Variants in RAD51B observed in about 807,000 individuals in gnomAD.
RAD51B encodes the protein DNA repair protein RAD51 homolog 2.
RAD51B carries 38 observed loss-of-function variants against 42.2 expected under a neutral mutation model. That is an observed-to-expected ratio of 0.90 (90% CI 0.70 to 1.18). The LOEUF (loss-of-function observed/expected upper bound fraction) is 1.18, where lower values mean the gene tolerates loss of function less well. Among genes scored for constraint, RAD51B ranks in the 50% most tolerant of loss-of-function variants. RAD51B has a pLI of 0.00. For missense variants in RAD51B, 373 were observed against 400.7 expected (o/e 0.93, Z 0.59); for synonymous variants, 154 against 145.2 (o/e 1.06, Z -0.43).
intron 10 of RAD51B, among the ~76,000 whole-genome samples, chr14:68,532,383 T>C (rs1887365750): frequency 6.6e-6 from 1 of 152,060 alleles, no homozygotes; most frequent in Admixed American, 6.5e-5. Context: ...TATTAAGAAT[T>C]ATAAAGAGAA....
chr14:67,895,304 C>G (rs181355542), intron 7 of RAD51B, among the ~76,000 whole-genome samples: 1 of 152,152 alleles, frequency 6.6e-6, no homozygotes, highest in Non-Finnish European at 1.5e-5. Flanking sequence ...GAGTGGCAAT[C>G]TTGTTTTCCA....
chr14:67,841,673 A>G (rs1363260562), intron 4 of RAD51B, among the ~76,000 whole-genome samples: 1 of 133,302 alleles, frequency 7.5e-6, no homozygotes, highest in African/African-American at 3.2e-5. Flanking sequence ...ATTGAATAGG[A>G]AGTCCTTTCC....
intron 8 of RAD51B, among the ~76,000 whole-genome samples, chr14:68,399,370 C>T (rs894051615): frequency 6.6e-6 from 1 of 151,034 alleles, no homozygotes; most frequent in Admixed American, 6.6e-5. Flanking sequence ...CATTCTCCTG[C>T]CTCAGCCTCC....
intron 8 of RAD51B, among the ~76,000 whole-genome samples, chr14:68,340,657 G>A (rs10151601): frequency 1.1e-3 from 161 of 152,282 alleles, no homozygotes; most frequent in African/African-American, 3.7e-3. Flanking sequence ...CTGTGCACAT[G>A]CGTGCATATT....
chr14:68,178,232 A>G (rs1026879403), intron 7 of RAD51B, among the ~76,000 whole-genome samples: 6 of 152,194 alleles, frequency 3.9e-5, no homozygotes, highest in East Asian at 1.9e-4. Flanking sequence ...TCAGAATGCT[A>G]TATAAAATTA....
At chr14:68,678,592 G>A (rs1464879427) in intron 11 of RAD51B, among the ~76,000 whole-genome samples, 1 of 152,178 alleles carries the variant, frequency 6.6e-6, no homozygotes, top group Non-Finnish European at 1.5e-5. Context: ...AAGTAGGGGG[G>A]TGGCTGCCTC....
intron 10 of RAD51B, chr14:68,497,222 T>C: frequency 1.5e-6 from 2 of 1,373,662 alleles, no homozygotes; most frequent in Admixed American, 2.2e-5. Context: ...TGGGAAAGAG[T>C]CTTGTGGTGA....
chr14:68,046,322 G>A (rs2076299030), intron 7 of RAD51B, among the ~76,000 whole-genome samples: 1 of 152,102 alleles, frequency 6.6e-6, no homozygotes, highest in African/African-American at 2.4e-5. Context: ...TGACTTTGTT[G>A]CCCAAGCTGA....
intron 11 of RAD51B, among the ~76,000 whole-genome samples, chr14:68,682,747 G>T (rs1478996548): frequency 6.6e-6 from 1 of 152,066 alleles, no homozygotes. Flanking sequence ...AGGGACGTGG[G>T]GGTGGAAGAA....
intron 7 of RAD51B, among the ~76,000 whole-genome samples, chr14:68,244,744 A>G (rs758559358): frequency 1.9e-4 from 29 of 152,170 alleles, no homozygotes; most frequent in Non-Finnish European, 4.1e-4. Context: ...CAGCAAATCC[A>G]CCCATGCATG....
chr14:68,106,775 C>G (rs2077383107), intron 7 of RAD51B, among the ~76,000 whole-genome samples: 1 of 151,838 alleles, frequency 6.6e-6, no homozygotes, highest in African/African-American at 2.4e-5. Flanking sequence ...TTGGTAGATA[C>G]TACATTAGAC....
At chr14:68,190,043 A>G (rs1042365820) in intron 7 of RAD51B, among the ~76,000 whole-genome samples, 1 of 152,222 alleles carries the variant, frequency 6.6e-6, no homozygotes, top group African/African-American at 2.4e-5. Flanking sequence ...GAATGATTTC[A>G]AATTAATTTC....
intron 7 of RAD51B, among the ~76,000 whole-genome samples, chr14:68,172,080 A>G (rs921219214): frequency 7.9e-5 from 12 of 152,156 alleles, no homozygotes; most frequent in Admixed American, 2.0e-4. Context: ...GCCATGTTTA[A>G]ATGTGCATAT....
At chr14:68,494,955 C>A (rs181942082) in intron 10 of RAD51B, among the ~76,000 whole-genome samples, 1 of 152,154 alleles carries the variant, frequency 6.6e-6, no homozygotes, top group African/African-American at 2.4e-5. Context: ...AGTTCTGACT[C>A]GCTTGTAGAT....
At chr14:68,621,728 T>C (rs1420348061) in intron 10 of RAD51B, among the ~76,000 whole-genome samples, 1 of 152,218 alleles carries the variant, frequency 6.6e-6, no homozygotes, top group African/African-American at 2.4e-5. Flanking sequence ...AAAAGTTGTC[T>C]TTTCTCCTGT....
chr14:68,361,238 G>A lies in RAD51B; in HGVS notation c.854-50186G>A, dbSNP rs769035472. ...CAGCCTGCCAAAGCACCATAGTTTG[G>A]GATACTGTTTTCTGCGCCCTGGCAC... On this transcript the variant is annotated intron_variant, in intron 8 of 10. Transcript: ENST00000471583. Among the ~76,000 whole-genome samples the A allele has an allele frequency of 6.2e-4, 94 of 152,124 alleles. 1 individual carries two copies. Among genetic ancestry groups the A allele is most frequent in the Non-Finnish European group, 4.0e-4 (27 of 68,008 alleles).
chr14:68,254,668 A>G (rs748455055), intron 7 of RAD51B, among the ~76,000 whole-genome samples: 10 of 152,348 alleles, frequency 6.6e-5, no homozygotes, highest in South Asian at 2.1e-4. Flanking sequence ...TTTGGAAACT[A>G]TATTTCTATA....
At chr14:68,498,716 A>G (rs577274164) in intron 10 of RAD51B, among the ~76,000 whole-genome samples, 1 of 152,368 alleles carries the variant, frequency 6.6e-6, no homozygotes, top group East Asian at 1.9e-4. Flanking sequence ...TCAGAGGGAA[A>G]GGGCATAACA....
intron 8 of RAD51B, among the ~76,000 whole-genome samples, chr14:68,312,657 G>A (rs2139732388): frequency 6.6e-6 from 1 of 152,244 alleles, no homozygotes; most frequent in South Asian, 2.1e-4. Context: ...ACAGTTTATA[G>A]ATTTTACCAG....
Sources: allele counts gnomAD v4.1 joint callset (sites outside exome capture counted in the v4.1 genomes callset), GRCh38; gene constraint gnomAD v4.1.1; transcripts MANE v1.5; gene names NCBI Gene and HGNC (gene_info 2026-07-23, HGNC 2026-07-21).